ITPR1: variants seen among roughly 807,000 people sequenced by gnomAD.
ITPR1 encodes inositol 1,4,5-trisphosphate-gated calcium channel ITPR1.
A neutral mutation model predicts 318.4 loss-of-function variants in ITPR1; 96 were observed. The ratio of observed to expected loss-of-function variants is 0.30; its 90% CI spans 0.26 to 0.36. ITPR1 has a LOEUF of 0.36. Ranked by LOEUF, ITPR1 falls within the 10% of genes least tolerant of loss-of-function variation. The probability of loss-of-function intolerance (pLI) is 1.00; values close to 1 mark genes in which losing one functional copy is unlikely to be tolerated. For synonymous variants in ITPR1, 1,312 were observed against 1,289.9 expected (o/e 1.02, Z -0.37); for missense variants, 2,440 against 3,460.2 (o/e 0.71, Z 7.40).
chr3:4,819,062 C>G (rs759903902), intron 60 of ITPR1, among the ~76,000 whole-genome samples: 1 of 152,130 alleles, frequency 6.6e-6, no homozygotes, highest in Non-Finnish European at 1.5e-5. Flanking sequence ...CTTGAGTGCT[C>G]GGCCTGATAA....
At chr3:4,680,914 G>A (rs1240601166) in intron 25 of ITPR1, among the ~76,000 whole-genome samples, 1 of 152,172 alleles carries the variant, frequency 6.6e-6, no homozygotes, top group African/African-American at 2.4e-5. Context: ...GAGTGTCTTA[G>A]TGATGAGACA....
intron 2 of ITPR1, among the ~76,000 whole-genome samples, chr3:4,503,543 G>T (rs1400988727): frequency 2.0e-5 from 3 of 152,206 alleles, no homozygotes; most frequent in Non-Finnish European, 4.4e-5. Flanking sequence ...TGGGGACAGG[G>T]AGAGTGATTT....
At chr3:4,796,850 C>T (rs2047932215) in intron 53 of ITPR1, among the ~76,000 whole-genome samples, 1 of 152,144 alleles carries the variant, frequency 6.6e-6, no homozygotes, top group Non-Finnish European at 1.5e-5. Flanking sequence ...TACATTAAGC[C>T]CATGGTTAGA....
intron 53 of ITPR1, 24 bp from the exon 54 acceptor site, chr3:4,800,401 G>C (rs2048151888): frequency 1.2e-6 from 2 of 1,608,440 alleles, no homozygotes; most frequent in Admixed American, 1.7e-5. Flanking sequence ...AGATTTGTGA[G>C]AGAACCCTGT....
intron 4 of ITPR1, among the ~76,000 whole-genome samples, chr3:4,539,079 A>C (rs937669940): frequency 6.6e-6 from 1 of 152,230 alleles, no homozygotes; most frequent in Non-Finnish European, 1.5e-5. Flanking sequence ...AATTATAAAC[A>C]TTGACTTCAA....
At chr3:4,769,041 C>G (rs1261353622) in intron 46 of ITPR1, among the ~76,000 whole-genome samples, 1 of 151,924 alleles carries the variant, frequency 6.6e-6, no homozygotes, top group African/African-American at 2.4e-5. Flanking sequence ...TCCCAAGTAG[C>G]TAGAATTAGA....
At chr3:4,727,217 G>A in intron 42 of ITPR1, 44 bp downstream of exon 42, 1 of 1,411,388 alleles carries the variant, frequency 7.1e-7, no homozygotes, top group Non-Finnish European at 9.8e-7. Context: ...AATGATCAAT[G>A]ACCGTAACAC....
Position 4,815,081 on chromosome 3 carries a change from A to C in ITPR1, c.7730A>C (p.Tyr2577Ser). The C allele has an allele frequency of 6.2e-7, 1 of 1,613,526 alleles. No individual in the cohort carries two copies. Among genetic ancestry groups the C allele is most frequent in the Non-Finnish European group, 8.5e-7 (1 of 1,179,608 alleles). Residue 2577 changes from tyrosine (Y) to serine (S), a missense_variant, in exon 59 of 62, where the codon TAT becomes TCT. This residue lies in a region of ITPR1 where 72 missense variants were observed against 197.7 expected (regional missense o/e 0.36). Transcript: ENST00000649015. Reference protein sequence around the residue: ...EEPLFAARVIYDLLFFFMVII... With the variant: ...EEPLFAARVISDLLFFFMVII... ...CCCCTGTTTGCTGCTAGAGTTATTT[A>C]TGACCTCTTGTTCTTCTTCATGGTC...
intron 22 of ITPR1, 58 bp from the exon 23 acceptor site, chr3:4,675,007 TGGA>T (rs1361174331): frequency 2.1e-5 from 19 of 884,824 alleles, no homozygotes; most frequent in Non-Finnish European, 3.4e-5. Context: ...CAACATCAAA[TGGA>T]ATTGAAGGGG....
At chr3:4,725,767 T>C (rs981963718) in intron 41 of ITPR1, among the ~76,000 whole-genome samples, 186 bp downstream of exon 41, 25 of 152,078 alleles carry the variant, frequency 1.6e-4, no homozygotes, top group African/African-American at 6.0e-4. Context: ...GTGTAGAAAG[T>C]TCTGAGGAGC....
intron 54 of ITPR1, among the ~76,000 whole-genome samples, chr3:4,801,364 C>T (rs1301399854): frequency 6.6e-6 from 1 of 152,034 alleles, no homozygotes; most frequent in Non-Finnish European, 1.5e-5. Flanking sequence ...CAGCAAAAGC[C>T]CCAAAGGGAG....
chr3:4,725,831 T>G (rs370737800), intron 41 of ITPR1, among the ~76,000 whole-genome samples: 2 of 152,200 alleles, frequency 1.3e-5, no homozygotes, highest in Non-Finnish European at 2.9e-5. Flanking sequence ...TTGAAAGTTC[T>G]CACTCAGAAC....
rs2094292888 is a variant in ITPR1, at chr3:4,681,248, T to C, written c.3107-116T>C. The C allele has an allele frequency of 7.0e-6, 5 of 711,576 alleles. No individual in the cohort carries two copies. In the South Asian group the frequency reaches 7.9e-5, roughly 11 times the overall value. The allele number at this position is 711,576 out of a possible 1,614,324, so 44.1% of individuals were successfully genotyped here. A position where few individuals can be genotyped will look rare whatever the true frequency, so the allele number is the denominator to read the frequency against. On this transcript the variant is annotated intron_variant, in intron 25 of 61. Transcript: ENST00000649015. The stretch of plus-strand genomic sequence containing the variant: ...TCTGCATAGCTTTGCAATATAATGT[T>C]CTGGGAGATTTGGGGTTAACTCAAC...
intron 44 of ITPR1, among the ~76,000 whole-genome samples, chr3:4,758,803 C>G (rs529000905): frequency 6.6e-6 from 1 of 152,158 alleles, no homozygotes; most frequent in Non-Finnish European, 1.5e-5. Context: ...GCCATGTGAT[C>G]GTGGGCAATT....
In ITPR1 at chr3:4,710,947, C is replaced by T. The variant is rs375721441; in HGVS notation, c.4991+474C>T. ...TGCCCCAAGGCCGGACACGGTGGCTCATGCCTGTAATCCCAGCACTTTGGG... is the reference window on the plus strand; with the variant it reads ...TGCCCCAAGGCCGGACACGGTGGCTTATGCCTGTAATCCCAGCACTTTGGG... On this transcript the variant is annotated intron_variant, in intron 38 of 61. Transcript: ENST00000649015. This position sits in a 1 kb window ranked among gnomAD's most constrained non-coding sequence, Gnocchi z 4.2. Among the ~76,000 whole-genome samples the T allele has an allele frequency of 1.3e-5, 2 of 152,178 alleles. No individual in the cohort carries two copies. The highest frequency in any genetic ancestry group is 2.9e-5 in the Non-Finnish European group (2 of 68,030).
At chr3:4,755,445 C>T (rs933935415) in intron 44 of ITPR1, among the ~76,000 whole-genome samples, 3 of 151,324 alleles carry the variant, frequency 2.0e-5, no homozygotes, top group Non-Finnish European at 4.4e-5. Flanking sequence ...TGCTATGTTG[C>T]CCAGGCTGGT....
intron 4 of ITPR1, among the ~76,000 whole-genome samples, chr3:4,612,332 G>T (rs1267878367): frequency 1.3e-5 from 2 of 151,958 alleles, no homozygotes; most frequent in Non-Finnish European, 2.9e-5. Context: ...AAAGTGCTAG[G>T]ATTACAGGCG....
chr3:4,721,524 C>T (rs777572700), intron 40 of ITPR1, among the ~76,000 whole-genome samples: 69 of 146,926 alleles, frequency 4.7e-4, no homozygotes, highest in East Asian at 1.0e-3. Context: ...GATGCAGGAT[C>T]GGGCCCAGCA....
intron 4 of ITPR1, among the ~76,000 whole-genome samples, chr3:4,545,001 G>A (rs1035646341): frequency 2.0e-5 from 3 of 151,926 alleles, no homozygotes; most frequent in African/African-American, 2.4e-5. Context: ...TCCCTATGTT[G>A]CCCAAGCTGG....
Sources: allele counts gnomAD v4.1 joint callset (sites outside exome capture counted in the v4.1 genomes callset), GRCh38; gene constraint gnomAD v4.1.1; regional missense constraint gnomAD v4.1.1; non-coding constraint Gnocchi (gnomAD v3.1); transcripts MANE v1.5; gene names NCBI Gene and HGNC (gene_info 2026-07-23, HGNC 2026-07-21).